CSMD1: variants seen among roughly 807,000 people sequenced by gnomAD.
CSMD1 encodes CUB and Sushi multiple domains 1.
A neutral mutation model predicts 417.5 loss-of-function variants in CSMD1; 213 were observed. That is an observed-to-expected ratio of 0.51 (90% CI 0.46 to 0.57). CSMD1 has a LOEUF of 0.57. Ranked by LOEUF, CSMD1 falls within the 20% of genes least tolerant of loss-of-function variation. CSMD1 has a pLI of 0.00. For missense variants in CSMD1, 6,923 were observed against 4,529.7 expected (o/e 1.53, Z -15.17); for synonymous variants, 2,862 against 1,736.8 (o/e 1.65, Z -16.11).
intron 2 of CSMD1, among the ~76,000 whole-genome samples, chr8:4,495,308 G>A (rs939913292): frequency 5.9e-5 from 9 of 152,176 alleles, no homozygotes; most frequent in African/African-American, 1.9e-4. Flanking sequence ...GGGCACGGTG[G>A]CTCACGCCTG....
At chr8:3,861,916 A>T (rs114071231) in intron 5 of CSMD1, among the ~76,000 whole-genome samples, 1 of 152,036 alleles carries the variant, frequency 6.6e-6, no homozygotes, top group Non-Finnish European at 1.5e-5. Context: ...GCATTCCAGG[A>T]TTTCCTTGCT....
intron 1 of CSMD1, among the ~76,000 whole-genome samples, chr8:4,935,654 C>T (rs1252210078): frequency 3.9e-5 from 6 of 152,162 alleles, no homozygotes; most frequent in South Asian, 2.1e-4. Flanking sequence ...GATGATATCA[C>T]CATTGTAACT....
chr8:3,672,105 C>G (rs80147417), intron 7 of CSMD1, among the ~76,000 whole-genome samples: 4,359 of 152,164 alleles, frequency 0.029, 230 homozygotes, highest in African/African-American at 0.099. Context: ...GTTGATGCAG[C>G]GTTCAAGGTT....
chr8:4,052,227 T>C (rs968757649), intron 3 of CSMD1, among the ~76,000 whole-genome samples: 1 of 152,108 alleles, frequency 6.6e-6, no homozygotes, highest in Non-Finnish European at 1.5e-5. Flanking sequence ...GCCCACCCAG[T>C]ACTGCAGGAT....
At chr8:4,153,079 C>G (rs148558529) in intron 3 of CSMD1, among the ~76,000 whole-genome samples, 113 of 152,114 alleles carry the variant, frequency 7.4e-4, no homozygotes, top group Middle Eastern at 3.4e-3. Context: ...GGGTATGATT[C>G]TTTTTCAGAT....
At position 3,616,778 on chromosome 8, in the gene CSMD1, T is replaced by G. The variant is rs1323596403; in HGVS notation, c.1029A>C (p.Ala343=). ...KNSVLSQGGV[A]LVSDMCPDPG... ...GATCTGGACACATGTCAGAGACCAA[T>G]GCAACACCTCCTTGGCTCACTGTAA... Residue 343 remains alanine (A), a synonymous_variant, in exon 8 of 70, where the codon GCA becomes GCC. Transcript: ENST00000635120. The G allele has an allele frequency of 1.2e-6, 2 of 1,611,860 alleles. No homozygotes were observed. The highest frequency in any genetic ancestry group is 1.3e-5 in the African/African-American group (1 of 74,990).
chr8:3,005,250 T>G (rs746164185), intron 52 of CSMD1, among the ~76,000 whole-genome samples: 1 of 152,218 alleles, frequency 6.6e-6, no homozygotes, highest in African/African-American at 2.4e-5. Context: ...TGAACGTCTT[T>G]CCTGAGTTAC....
At chr8:4,994,220 G>T (rs1811635411) in intron 1 of CSMD1, 112 bp downstream of exon 1, 16 of 895,720 alleles carry the variant, frequency 1.8e-5, no homozygotes, top group Non-Finnish European at 2.8e-5. Flanking sequence ...GAGCAGCGCC[G>T]GGCAGAGGCG....
chr8:4,736,273 G>C (rs1403103996), intron 1 of CSMD1, among the ~76,000 whole-genome samples: 2 of 152,040 alleles, frequency 1.3e-5, no homozygotes, highest in Admixed American at 6.6e-5. Context: ...ATTTTCTTCA[G>C]GTCACTGCAC....
Position 3,424,832 on chromosome 8 carries a change from C to T in CSMD1, c.1562-15227G>A, listed in dbSNP as rs1033724651. 7.9e-5 allele frequency among the ~76,000 whole-genome samples: 12 copies of T among 152,068 alleles called. 1 individual carries two copies. The highest frequency in any genetic ancestry group is 4.6e-4 in the Admixed American group (7 of 15,268). On this transcript the variant is annotated intron_variant, in intron 12 of 69. Coordinates refer to ENST00000635120, the MANE Select transcript of CSMD1 (RefSeq NM_033225.6). Reference sequence around the variant, plus strand: ...AAATTGGCATATTGTTATCATCATTCTATTTTTTTAAATATTATTTTATTT... The same window carrying T: ...AAATTGGCATATTGTTATCATCATTTTATTTTTTTAAATATTATTTTATTT...
intron 5 of CSMD1, among the ~76,000 whole-genome samples, chr8:3,975,951 G>C (rs962788063): frequency 4.0e-5 from 6 of 151,880 alleles, no homozygotes; most frequent in Non-Finnish European, 8.8e-5. Flanking sequence ...TTATCTATCA[G>C]TTTTTAACAT....
chr8:4,459,362 G>C (rs1212421320), intron 2 of CSMD1, among the ~76,000 whole-genome samples: 5 of 152,160 alleles, frequency 3.3e-5, no homozygotes, highest in Non-Finnish European at 7.3e-5. Flanking sequence ...CCTCAGACCC[G>C]TGGTTTACTC....
chr8:4,143,155 C>T (rs35199322), intron 3 of CSMD1, among the ~76,000 whole-genome samples: 45,329 of 150,824 alleles, frequency 0.3, 8,473 homozygotes, highest in Non-Finnish European at 0.39. Context: ...AACAAATGCA[C>T]TAGCAAATGT....
chr8:3,171,560 C>T (rs1269807973), intron 37 of CSMD1, among the ~76,000 whole-genome samples: 1 of 152,148 alleles, frequency 6.6e-6, no homozygotes, highest in African/African-American at 2.4e-5. Context: ...CTCTTTATTC[C>T]CTAGTTACTT....
intron 5 of CSMD1, among the ~76,000 whole-genome samples, chr8:3,838,323 T>G (rs542620677): frequency 6.6e-6 from 1 of 151,914 alleles, no homozygotes; most frequent in East Asian, 1.9e-4. Context: ...ATTGCTTGAG[T>G]CCAGTAGTTC....
At chr8:4,418,603 C>T (rs533189710) in intron 3 of CSMD1, among the ~76,000 whole-genome samples, 3 of 152,194 alleles carry the variant, frequency 2.0e-5, no homozygotes, top group African/African-American at 4.8e-5. Flanking sequence ...ACAAAATATG[C>T]CTGGCATATA....
At chr8:3,216,870 C>T (rs1197410304) in intron 29 of CSMD1, among the ~76,000 whole-genome samples, 1 of 152,258 alleles carries the variant, frequency 6.6e-6, no homozygotes, top group East Asian at 1.9e-4. Flanking sequence ...AGAACTGGAT[C>T]TGTCACCTGC....
intron 6 of CSMD1, among the ~76,000 whole-genome samples, chr8:3,748,060 T>C (rs1319125316): frequency 6.6e-6 from 1 of 152,132 alleles, no homozygotes; most frequent in Non-Finnish European, 1.5e-5. Context: ...TGGCTAATCG[T>C]AAGTACTTAA....
At chr8:3,157,004 A>AG (rs1819578206) in intron 39 of CSMD1, among the ~76,000 whole-genome samples, 1 of 151,554 alleles carries the variant, frequency 6.6e-6, no homozygotes, top group African/African-American at 2.4e-5. Context: ...AAAAAAAAAA[A>AG]AAAAGCAGGA....
Sources: gnomAD v4.1 joint callset for allele counts (sites outside exome capture counted in the v4.1 genomes callset) on GRCh38, gnomAD v4.1.1 for gene constraint, MANE v1.5 for transcripts, NCBI Gene and HGNC (gene_info 2026-07-23, HGNC 2026-07-21) for gene names.